The following LOC400499 variants were observed in gnomAD, a reference collection of about 807,000 sequenced individuals.
chr16:11,460,255 G>A, the LOC400499 span, among the ~76,000 whole-genome samples: 2 of 152,238 alleles, frequency 1.3e-5, no homozygotes, highest in Admixed American at 1.3e-4. Flanking sequence ...GGAGTACAGT[G>A]GCGCCATCTT....
At chr16:11,504,339 G>A in the LOC400499 span, among the ~76,000 whole-genome samples, 1 of 151,944 alleles carries the variant, frequency 6.6e-6, no homozygotes, top group African/African-American at 2.4e-5. Context: ...GTGGATCACT[G>A]GAAGTCAGGA....
the LOC400499 span, among the ~76,000 whole-genome samples, chr16:11,379,216 C>T: frequency 2.0e-5 from 3 of 152,186 alleles, no homozygotes; most frequent in Non-Finnish European, 2.9e-5. Context: ...CCACTGCACT[C>T]CAGCCTGGGC....
At chr16:11,372,609 T>C in the LOC400499 span, 1 of 395,238 alleles carries the variant, frequency 2.5e-6, no homozygotes, top group Non-Finnish European at 3.4e-6. Flanking sequence ...GTTCTGAGTT[T>C]CCCGGCATTC....
chr16:11,486,268 TGGAG>T, the LOC400499 span, among the ~76,000 whole-genome samples: 18,944 of 76,478 alleles, frequency 0.25, 4,168 homozygotes, highest in African/African-American at 0.37. Context: ...GATGGATGGA[TGGAG>T]GGATGGATGG....
chr16:11,418,814 T>C, the LOC400499 span, among the ~76,000 whole-genome samples: 3 of 152,324 alleles, frequency 2.0e-5, no homozygotes, highest in Admixed American at 1.3e-4. Context: ...AAAAAGTTTC[T>C]CAAACTCTGC....
the LOC400499 span, chr16:11,411,405 A>G: frequency 0.012 from 4,836 of 398,886 alleles, 225 homozygotes; most frequent in African/African-American, 0.091. Flanking sequence ...TGTCGAGACC[A>G]AGGGGACTTC....
the LOC400499 span, chr16:11,522,085 C>T: frequency 5.0e-6 from 2 of 397,818 alleles, no homozygotes; most frequent in Non-Finnish European, 8.9e-6. Context: ...GTATCTGGTG[C>T]CCACAGGGAG....
At chr16:11,459,913 T>C in the LOC400499 span, 2 of 1,448,714 alleles carry the variant, frequency 1.4e-6, no homozygotes, top group Non-Finnish European at 1.8e-6. Flanking sequence ...AAGTGATTGC[T>C]CAGGGCGGGC....
chr16:11,460,496 A>G, the LOC400499 span: 2 of 1,531,040 alleles, frequency 1.3e-6, no homozygotes, highest in Non-Finnish European at 1.7e-6. Flanking sequence ...GAAGGCTAGG[A>G]TCTGTGTGCA....
At chr16:11,481,885 T>C in the LOC400499 span, among the ~76,000 whole-genome samples, 3 of 152,164 alleles carry the variant, frequency 2.0e-5, no homozygotes, top group African/African-American at 7.2e-5. Context: ...TCCACCTACC[T>C]TGGCCTCCCA....
At chr16:11,420,608 CGGA>C in the LOC400499 span, among the ~76,000 whole-genome samples, 6 of 92,882 alleles carry the variant, frequency 6.5e-5, no homozygotes, top group Non-Finnish European at 8.2e-5. Flanking sequence ...CCCCCCCCCC[CGGA>C]AAAAAACCCC....
the LOC400499 span, chr16:11,478,835 G>A: frequency 2.5e-6 from 1 of 397,172 alleles, no homozygotes; most frequent in Admixed American, 4.4e-5. Flanking sequence ...ACTGAATCAT[G>A]GGGGCGGGTC....
At chr16:11,469,702 C>A in the LOC400499 span, 1 of 398,884 alleles carries the variant, frequency 2.5e-6, no homozygotes, top group East Asian at 3.6e-5. Context: ...TTGAGAGCCT[C>A]CACCTGTACC....
chr16:11,394,899 A>C, the LOC400499 span, among the ~76,000 whole-genome samples: 1 of 152,364 alleles, frequency 6.6e-6, no homozygotes, highest in South Asian at 2.1e-4. Context: ...CTGTGACACC[A>C]TACCTGTCTG....
At chr16:11,409,723 G>A in the LOC400499 span, among the ~76,000 whole-genome samples, 4 of 152,208 alleles carry the variant, frequency 2.6e-5, no homozygotes, top group African/African-American at 9.7e-5. Flanking sequence ...TCAGTTTCTG[G>A]AATGTTGTAA....
the LOC400499 span, among the ~76,000 whole-genome samples, chr16:11,450,347 A>G: frequency 4.6e-5 from 7 of 152,310 alleles, no homozygotes; most frequent in African/African-American, 1.7e-4. Flanking sequence ...GTCCCGTTTG[A>G]CTTGCTTTCC....
the LOC400499 span, among the ~76,000 whole-genome samples, chr16:11,452,205 G>GTTTTTTTTTTTT: frequency 2.2e-5 from 2 of 89,786 alleles, no homozygotes; most frequent in African/African-American, 3.5e-5. Context: ...TTTTTTGTTT[G>GTTTTTTTTTTTT]TTTTTTTTTT....
At chr16:11,378,992 A>C in the LOC400499 span, among the ~76,000 whole-genome samples, 2 of 152,216 alleles carry the variant, frequency 1.3e-5, no homozygotes, top group South Asian at 4.1e-4. Context: ...GGCCGGGTGC[A>C]GTGGCTCAGG....
At chr16:11,378,758 G>C in the LOC400499 span, among the ~76,000 whole-genome samples, 2 of 152,144 alleles carry the variant, frequency 1.3e-5, no homozygotes, top group Non-Finnish European at 2.9e-5. Flanking sequence ...TTTCCTTCTA[G>C]TATGATTTCA....
Sources: allele counts gnomAD v4.1 joint callset (sites outside exome capture counted in the v4.1 genomes callset), GRCh38; gene constraint gnomAD v4.1.1; transcripts MANE v1.5.